The following CFAP46 variants were observed in gnomAD, a reference collection of about 807,000 sequenced individuals.
CFAP46 encodes cilia- and flagella-associated protein 46.
A neutral mutation model predicts 325.7 loss-of-function variants in CFAP46; 245 were observed. The observed-to-expected ratio is 0.75, with a 90% CI of 0.68 to 0.84. The LOEUF (loss-of-function observed/expected upper bound fraction) is 0.84. Among genes scored for constraint, CFAP46 ranks in the 40% least tolerant of loss-of-function variants. The pLI, the probability that CFAP46 is intolerant of heterozygous loss-of-function variation, is 0.00. For missense variants in CFAP46, 3,346 were observed against 3,543.0 expected, an observed-to-expected ratio of 0.94 and a Z score of 1.41; for synonymous variants, 1,523 against 1,495.9, an observed-to-expected ratio of 1.02 and a Z score of -0.42.
chr10:132,926,474 C>T (rs929986476), intron 10 of CFAP46, 94 bp downstream of exon 10: 4 of 917,152 alleles, frequency 4.4e-6, no homozygotes, highest in Non-Finnish European at 6.8e-6. Flanking sequence ...GCCATGTCCC[C>T]AGCACCCTCA....
At chr10:132,885,449 G>GT (rs1330399273) in intron 26 of CFAP46, among the ~76,000 whole-genome samples, 163 bp from the exon 27 acceptor site, 2 of 151,708 alleles carry the variant, frequency 1.3e-5, no homozygotes, top group Non-Finnish European at 2.9e-5. Context: ...GGTCTCGGGG[G>GT]TGAGCGGGGG....
chr10:132,822,295 T>A (rs1462280663), intron 50 of CFAP46, among the ~76,000 whole-genome samples: 1 of 100,854 alleles, frequency 9.9e-6, no homozygotes, highest in Admixed American at 1.2e-4. Flanking sequence ...GGTGTGCTGA[T>A]GTGTGCACTG....
At chr10:132,932,735 CTGAGGCTAAAATTTGT>C (rs768939428) in intron 8 of CFAP46, among the ~76,000 whole-genome samples, 243 of 152,384 alleles carry the variant, frequency 1.6e-3, no homozygotes, top group Non-Finnish European at 2.7e-3. Context: ...AACTGACAGG[CTGAGGCTAAAATTTGT>C]ATCCACATGC....
chr10:132,857,628 T>A lies in CFAP46; in HGVS notation c.5536A>T (p.Arg1846Trp). Residue 1846 changes from arginine to tryptophan, a missense_variant, in exon 39 of 58, where the codon AGG becomes TGG. Physicochemically the swap from Arg to Trp is moderately radical, Grantham distance 101. Coordinates refer to ENST00000368586, the MANE Select transcript of CFAP46 (RefSeq NM_001200049.3). ...AQGAMAEEEG[R>W]LHSVQGLLSL... ...AATAGGCCCTGGACGCTGTGAAGCC[T>A]CCCTTCTTCCTCAGCCATGGCGCCC... is the stretch of plus-strand genomic sequence containing the variant. The A allele has an allele frequency of 6.2e-7, 1 of 1,613,158 alleles. No homozygotes were observed.
At chr10:132,849,851 C>A (rs1848505353) in intron 41 of CFAP46, among the ~76,000 whole-genome samples, 1 of 152,224 alleles carries the variant, frequency 6.6e-6, no homozygotes, top group Non-Finnish European at 1.5e-5. Context: ...GCCGCTCCTG[C>A]AGCTTCTGAG....
chr10:132,916,700 G>A lies in CFAP46; in HGVS notation c.1987-18C>T, dbSNP rs76482478. 73,927 of 1,445,356 alleles carry A rather than the reference G, an allele frequency of 0.051. 2,215 individuals carry two copies. Among genetic ancestry groups the A allele is most frequent in the Middle Eastern group, 0.12 (641 of 5,532 alleles). The allele number at this position is 1,445,356 out of a possible 1,614,324, so 89.5% of individuals were successfully genotyped here. On this transcript the variant is annotated intron_variant, in intron 16 of 57. Transcript: ENST00000368586. ...ACCGTGGCCTGCAAAACACACATGCGGTGGGAGGGGTCATGGGCGGAGCAC... is the reference window on the plus strand; with the variant it reads ...ACCGTGGCCTGCAAAACACACATGCAGTGGGAGGGGTCATGGGCGGAGCAC...
rs1848188954 is a variant in CFAP46 at position 132,833,651 on chromosome 10, T to C, written c.6950-126A>G. 4.4e-6 allele frequency: 4 copies of C among 908,482 alleles called. No individual in the cohort carries two copies. The East Asian group carries it at 7.4e-5, about 17-fold the overall frequency. The allele number at this position is 908,482 out of a possible 1,614,324, so 56.3% of individuals were successfully genotyped here. A position where few individuals can be genotyped will look rare whatever the true frequency, so the allele number is the denominator to read the frequency against. On this transcript the variant is annotated intron_variant, in intron 49 of 57. Coordinates refer to ENST00000368586, the MANE Select transcript of CFAP46 (RefSeq NM_001200049.3). ...AGGCTGGCAGCCCGCCTTGACTCCA[T>C]GCCACCTCCTCCTCCAGATGCCCCA...
chr10:132,872,862 G>A (rs1848912371), intron 31 of CFAP46, 38 bp from the exon 32 acceptor site: 1 of 1,549,788 alleles, frequency 6.5e-7, no homozygotes, highest in Admixed American at 2.0e-5. Flanking sequence ...GGTCACAGGA[G>A]CGGGTGTAGA....
chr10:132,837,850 C>T (rs976197539), intron 44 of CFAP46, among the ~76,000 whole-genome samples: 1 of 149,930 alleles, frequency 6.7e-6, no homozygotes, highest in Non-Finnish European at 1.5e-5. Context: ...CGGACACACA[C>T]GCACATGTAC....
intron 17 of CFAP46, among the ~76,000 whole-genome samples, chr10:132,915,817 C>T (rs889346947): frequency 7.2e-5 from 11 of 152,214 alleles, no homozygotes; most frequent in Non-Finnish European, 1.0e-4. Context: ...GGAGAAACAA[C>T]GCACGTCCAG....
intron 50 of CFAP46, among the ~76,000 whole-genome samples, chr10:132,826,371 G>A (rs528421044): frequency 1.4e-5 from 2 of 140,228 alleles, no homozygotes; most frequent in Non-Finnish European, 3.1e-5. Context: ...CACGGAGCCA[G>A]GCAGGAGCCA....
intron 19 of CFAP46, 65 bp downstream of exon 19, chr10:132,912,590 T>TCTCTCTC: frequency 2.8e-6 from 4 of 1,416,466 alleles, no homozygotes; most frequent in Non-Finnish European, 3.7e-6. Flanking sequence ...CTCTCCTCTC[T>TCTCTCTC]CTCTCTCCTC....
At position 132,922,198 on chromosome 10, in the gene CFAP46, G is replaced by A. The variant is rs759247988; in HGVS notation, c.1512C>T (p.Ser504=). 3.7e-5 allele frequency: 57 copies of A among 1,550,368 alleles called. No individual in the cohort carries two copies. In the African/African-American group the frequency reaches 6.0e-4, roughly 16 times the overall value. ...EQAKKATPKD[S]VRKKRALLVN... Reference sequence around the variant, plus strand: ...CCAGGAGGGCCCGCTTCTTCCTGACGCTGTCCTTTGGTGTAGCTTTTTTTG... The same window carrying A: ...CCAGGAGGGCCCGCTTCTTCCTGACACTGTCCTTTGGTGTAGCTTTTTTTG... The change falls in exon 13 of 58, where the codon AGC becomes AGT. Residue 504 remains serine (S), a synonymous_variant. Coordinates refer to ENST00000368586, the MANE Select transcript of CFAP46 (RefSeq NM_001200049.3).
chr10:132,922,335 C>T lies in CFAP46; in HGVS notation c.1486-111G>A. The T allele has an allele frequency of 2.0e-6, 3 of 1,470,178 alleles. No homozygotes were observed. In the African/African-American group the frequency reaches 4.2e-5, roughly 21 times the overall value. 91.1% of individuals were successfully genotyped at this position (1,470,178 alleles called of 1,614,324 possible). A position where few individuals can be genotyped will look rare whatever the true frequency, so the allele number is the denominator to read the frequency against. ...CAGGGGCCTGTGTGGTCCTCGTGCT[C>T]ATAGACACAGTGACAGCTCGGTCCC... On this transcript the variant is annotated intron_variant, in intron 12 of 57. Coordinates refer to ENST00000368586, the MANE Select transcript of CFAP46 (RefSeq NM_001200049.3).
At chr10:132,831,454 T>G (rs1290709338) in intron 50 of CFAP46, among the ~76,000 whole-genome samples, 1 of 152,156 alleles carries the variant, frequency 6.6e-6, no homozygotes, top group East Asian at 1.9e-4. Context: ...AGGTTTCACA[T>G]CCTCTTCATG....
At position 132,832,668 on chromosome 10, in the gene CFAP46, C is replaced by G; in HGVS notation, c.7117+690G>C. 2.3e-6 allele frequency: 1 copy of G among 433,598 alleles called. No individual in the cohort carries two copies. Among genetic ancestry groups the G allele is most frequent in the African/African-American group, 2.0e-5 (1 of 49,202 alleles). 26.9% of individuals were successfully genotyped at this position (433,598 alleles called of 1,614,324 possible). ...CCGAAGTGCAGAAAACTGCACGTAC[C>G]GCAAGGGTAGCGCTCGGGGAAGCTT... On this transcript the variant is annotated intron_variant, in intron 50 of 57. Coordinates refer to ENST00000368586, the MANE Select transcript of CFAP46 (RefSeq NM_001200049.3). The surrounding 1 kb of genome is among the most constrained non-coding windows in gnomAD (Gnocchi z 4.1).
rs563494720 is a variant in CFAP46, at chr10:132,869,083, G to A, written c.4610+191C>T. 2.6e-4 allele frequency among the ~76,000 whole-genome samples: 39 copies of A among 152,272 alleles called. No homozygotes were observed. Among genetic ancestry groups the A allele is most frequent in the African/African-American group, 8.9e-4 (37 of 41,570 alleles). ...CCTCACCGCCCCTCCCTCCCTCTGT[G>A]AGGAGCACCTCCCCACAACCCACCT... On this transcript the variant is annotated intron_variant, in intron 33 of 57. Transcript: ENST00000368586. This position sits in a 1 kb window ranked among gnomAD's most constrained non-coding sequence, Gnocchi z 6.2.
chr10:132,910,244 C>T (rs1849521333), intron 19 of CFAP46, 176 bp from the exon 20 acceptor site: 1 of 542,276 alleles, frequency 1.8e-6, no homozygotes, highest in Non-Finnish European at 2.9e-6. Context: ...AGATGAAGCC[C>T]CACCCCCAGA....
At chr10:132,867,795 G>C (rs544283206) in intron 33 of CFAP46, among the ~76,000 whole-genome samples, 4 of 151,806 alleles carry the variant, frequency 2.6e-5, no homozygotes, top group Non-Finnish European at 5.9e-5. Context: ...GCCCAGCCCC[G>C]GCCCCGCTGT....
Sources: allele counts gnomAD v4.1 joint callset (sites outside exome capture counted in the v4.1 genomes callset), GRCh38; gene constraint gnomAD v4.1.1; non-coding constraint Gnocchi (gnomAD v3.1); transcripts MANE v1.5; gene names NCBI Gene and HGNC (gene_info 2026-07-23, HGNC 2026-07-21).